The following CNTNAP2 variants were observed in gnomAD, a reference collection of about 807,000 sequenced individuals.
CNTNAP2 encodes the protein contactin associated protein 2.
A neutral mutation model predicts 155.2 loss-of-function variants in CNTNAP2; 98 were observed. The observed-to-expected ratio is 0.63, with a 90% CI of 0.54 to 0.75. The LOEUF is 0.75. CNTNAP2 is among the 30% of genes least tolerant of loss of function. The pLI is 0.00. For synonymous variants in CNTNAP2, 651 were observed against 631.2 expected (o/e 1.03, Z -0.47); for missense variants, 1,727 against 1,688.1 (o/e 1.02, Z -0.40).
chr7:147,874,073 A>T (rs1483751746), intron 13 of CNTNAP2, among the ~76,000 whole-genome samples: 5 of 151,856 alleles, frequency 3.3e-5, no homozygotes, highest in African/African-American at 2.4e-5. Flanking sequence ...CAGGGTATAG[A>T]CCCCCATCTC....
intron 1 of CNTNAP2, among the ~76,000 whole-genome samples, chr7:146,718,393 G>T (rs942829169): frequency 6.6e-6 from 1 of 152,016 alleles, no homozygotes; most frequent in Non-Finnish European, 1.5e-5. Flanking sequence ...CAGCCTCATT[G>T]ACTGGAAGAA....
In CNTNAP2 at chr7:146,643,776, A is replaced by T. The variant is rs562302974; in HGVS notation, c.98-130495A>T. On this transcript the variant is annotated intron_variant, in intron 1 of 23. Transcript: ENST00000361727. ...CAGTATGGCCATTTTCATGATATTG[A>T]TTCTTCCTACCCATGAGTATGGAAT... is the stretch of plus-strand genomic sequence containing the variant. Among the ~76,000 whole-genome samples the T allele has an allele frequency of 5.3e-5, 8 of 152,182 alleles. No homozygotes were observed. In the South Asian group the frequency reaches 1.7e-3, roughly 32 times the overall value.
At chr7:148,338,011 A>G (rs1296811881) in intron 21 of CNTNAP2, among the ~76,000 whole-genome samples, 1 of 151,888 alleles carries the variant, frequency 6.6e-6, no homozygotes, top group African/African-American at 2.4e-5. Flanking sequence ...AAACAAATAT[A>G]TTCAGGTAGC....
At chr7:147,117,170 T>G (rs549177142) in intron 5 of CNTNAP2, among the ~76,000 whole-genome samples, 17 of 152,078 alleles carry the variant, frequency 1.1e-4, no homozygotes, top group Non-Finnish European at 2.2e-4. Flanking sequence ...TGCAGACACC[T>G]TTGTTGGAAA....
chr7:146,690,092 A>C (rs1800670737), intron 1 of CNTNAP2, among the ~76,000 whole-genome samples: 1 of 152,106 alleles, frequency 6.6e-6, no homozygotes, highest in African/African-American at 2.4e-5. Flanking sequence ...CTTCCATTTC[A>C]CATAATTACA....
intron 23 of CNTNAP2, chr7:148,414,602 G>C (rs1799934737): frequency 6.6e-6 from 1 of 152,004 alleles, no homozygotes; most frequent in South Asian, 2.1e-4. Context: ...CTAATTGACT[G>C]ATGTTTCTTC....
chr7:146,997,547 A>G (rs190770054), intron 3 of CNTNAP2, among the ~76,000 whole-genome samples: 1 of 152,240 alleles, frequency 6.6e-6, no homozygotes. Flanking sequence ...ATTTAATTGT[A>G]TCAGGATAAT....
At chr7:147,318,929 A>G (rs2116815340) in intron 9 of CNTNAP2, among the ~76,000 whole-genome samples, 1 of 152,320 alleles carries the variant, frequency 6.6e-6, no homozygotes, top group African/African-American at 2.4e-5. Flanking sequence ...TACATAGACA[A>G]GAGTTTCATG....
chr7:147,174,023 G>A (rs1285895187), intron 8 of CNTNAP2, among the ~76,000 whole-genome samples: 3 of 152,124 alleles, frequency 2.0e-5, no homozygotes, highest in South Asian at 2.1e-4. Context: ...CTAAAACAGA[G>A]GCAGGTCCTC....
intron 3 of CNTNAP2, among the ~76,000 whole-genome samples, chr7:146,971,458 A>G (rs536141950): frequency 5.9e-5 from 9 of 152,300 alleles, no homozygotes; most frequent in African/African-American, 2.2e-4. Flanking sequence ...CAGAGGAAAT[A>G]GAAGGGTTAT....
chr7:146,161,037 G>C (rs190567017), intron 1 of CNTNAP2, among the ~76,000 whole-genome samples: 1 of 152,168 alleles, frequency 6.6e-6, no homozygotes. Flanking sequence ...GGGATGCAAG[G>C]CTGGTTCAAC....
intron 9 of CNTNAP2, among the ~76,000 whole-genome samples, chr7:147,311,212 G>T (rs1795119685): frequency 6.6e-6 from 1 of 152,176 alleles, no homozygotes; most frequent in African/African-American, 2.4e-5. Context: ...GTAAAGAAAA[G>T]AATCTTCATC....
chr7:147,787,443 A>T (rs868158301), intron 13 of CNTNAP2, among the ~76,000 whole-genome samples: 28 of 152,368 alleles, frequency 1.8e-4, no homozygotes, highest in Middle Eastern at 6.8e-3. Flanking sequence ...TCAAATATTA[A>T]TTCTGTTTGA....
intron 1 of CNTNAP2, among the ~76,000 whole-genome samples, chr7:146,560,276 AC>A (rs1308036237): frequency 6.6e-6 from 1 of 152,118 alleles, no homozygotes; most frequent in Non-Finnish European, 1.5e-5. Flanking sequence ...TTGTGCCAGT[AC>A]AAATAAAATT....
At chr7:146,260,506 C>T (rs1158852801) in intron 1 of CNTNAP2, among the ~76,000 whole-genome samples, 1 of 152,214 alleles carries the variant, frequency 6.6e-6, no homozygotes, top group Non-Finnish European at 1.5e-5. Context: ...TGTTCAAGGC[C>T]TTGGGAGCCT....
intron 12 of CNTNAP2, among the ~76,000 whole-genome samples, chr7:147,564,051 C>T (rs1048596665): frequency 2.6e-5 from 4 of 152,060 alleles, no homozygotes; most frequent in African/African-American, 7.2e-5. Context: ...TAGAAAATGT[C>T]CCAGCTACTT....
intron 3 of CNTNAP2, among the ~76,000 whole-genome samples, chr7:146,879,844 A>G (rs975848991): frequency 3.9e-5 from 6 of 152,132 alleles, no homozygotes; most frequent in African/African-American, 1.4e-4. Context: ...TGGGTAATTT[A>G]TAAAGAAAAA....
chr7:147,532,641 G>A (rs1799462755), intron 11 of CNTNAP2, among the ~76,000 whole-genome samples: 1 of 152,168 alleles, frequency 6.6e-6, no homozygotes, highest in African/African-American at 2.4e-5. Flanking sequence ...AGACATACCT[G>A]ACACTGGGAA....
rs184604067 is a variant in CNTNAP2 at position 146,831,137 on chromosome 7, G to A, written c.209-8574G>A. Among the ~76,000 whole-genome samples the A allele has an allele frequency of 2.0e-5, 3 of 152,212 alleles. No individual in the cohort carries two copies. The East Asian group carries it at 5.8e-4, about 29-fold the overall frequency. Reference sequence around the variant, plus strand: ...ACCACTATTGCCTCCTCTATCACCAGACCCCATTCATCTTTTTCCTAAATA... The same window carrying A: ...ACCACTATTGCCTCCTCTATCACCAAACCCCATTCATCTTTTTCCTAAATA... On this transcript the variant is annotated intron_variant, in intron 2 of 23. Coordinates refer to ENST00000361727, the MANE Select transcript of CNTNAP2 (RefSeq NM_014141.6).
Sources: allele counts gnomAD v4.1 joint callset (sites outside exome capture counted in the v4.1 genomes callset), GRCh38; gene constraint gnomAD v4.1.1; transcripts MANE v1.5; gene names NCBI Gene and HGNC (gene_info 2026-07-23, HGNC 2026-07-21).